Variants in GALNT14 observed in about 807,000 individuals in gnomAD.
GALNT14 encodes polypeptide N-acetylgalactosaminyltransferase 14.
GALNT14 carries 60 observed loss-of-function variants against 77.5 expected under a neutral mutation model. That is an observed-to-expected ratio of 0.77 (90% CI 0.63 to 0.96). GALNT14 has a LOEUF of 0.96. GALNT14 is among the 40% of genes least tolerant of loss of function. GALNT14 has a pLI of 0.00. For synonymous variants in GALNT14, 280 were observed against 281.7 expected, an observed-to-expected ratio of 0.99 and a Z score of 0.06; for missense variants, 710 against 731.0, an observed-to-expected ratio of 0.97 and a Z score of 0.33.
the GALNT14 span, among the ~76,000 whole-genome samples, chr2:30,887,526 A>C: frequency 6.6e-6 from 1 of 152,022 alleles, no homozygotes; most frequent in Non-Finnish European, 1.5e-5. Context: ...TCTTCTTTGG[A>C]GAAATGTCTA....
intron 1 of GALNT14, among the ~76,000 whole-genome samples, chr2:31,078,286 T>C (rs1675934259): frequency 6.6e-6 from 1 of 152,198 alleles, no homozygotes; most frequent in African/African-American, 2.4e-5. Flanking sequence ...ATGATCCTAC[T>C]GGACAACTTT....
intron 11 of GALNT14, among the ~76,000 whole-genome samples, chr2:30,926,858 G>T (rs370853425): frequency 2.0e-5 from 3 of 152,160 alleles, no homozygotes; most frequent in Admixed American, 2.0e-4. Flanking sequence ...TGGGGGCCAG[G>T]AGAAAGGAGG....
At chr2:31,084,373 T>G (rs73921454) in intron 1 of GALNT14, among the ~76,000 whole-genome samples, 1 of 152,190 alleles carries the variant, frequency 6.6e-6, no homozygotes, top group African/African-American at 2.4e-5. Context: ...GAACATGTAC[T>G]GAACTGATGA....
chr2:31,126,468 G>A (rs1678708670), intron 1 of GALNT14, among the ~76,000 whole-genome samples: 1 of 152,124 alleles, frequency 6.6e-6, no homozygotes, highest in South Asian at 2.1e-4. Flanking sequence ...AAGCCTTGGT[G>A]TTCGTCACAT....
intron 3 of GALNT14, 93 bp from the exon 4 acceptor site, chr2:30,958,557 G>T: frequency 1.0e-6 from 1 of 965,702 alleles, no homozygotes; most frequent in Non-Finnish European, 1.6e-6. Context: ...TTGCATTTAA[G>T]GAATGAAAAA....
At chr2:31,081,964 A>G (rs1209773544) in intron 1 of GALNT14, among the ~76,000 whole-genome samples, 1 of 152,192 alleles carries the variant, frequency 6.6e-6, no homozygotes, top group Non-Finnish European at 1.5e-5. Flanking sequence ...TCAGCAGTCT[A>G]TTTATCTTCC....
intron 1 of GALNT14, among the ~76,000 whole-genome samples, chr2:31,130,264 G>C (rs945198380): frequency 2.6e-5 from 4 of 152,222 alleles, no homozygotes; most frequent in African/African-American, 9.6e-5. Flanking sequence ...AGAAAGGCCA[G>C]AGTGGCAACC....
At position 31,043,620 on chromosome 2, in the gene GALNT14, T is replaced by C. The variant is rs147284373; in HGVS notation, c.130-50613A>G. Among the ~76,000 whole-genome samples, 189 of 152,076 alleles carry C rather than the reference T, an allele frequency of 1.2e-3. 1 individual carries two copies. The highest frequency in any genetic ancestry group is 1.9e-3 in the Non-Finnish European group (128 of 67,976). ...CTCCAGACAAGATATTAAAACTCTC[T>C]AGGATCCTCCATATTACAAGGAAGG... On this transcript the variant is annotated intron_variant, in intron 1 of 14. Transcript: ENST00000349752.
chr2:31,048,300 T>C (rs528322976), intron 1 of GALNT14, among the ~76,000 whole-genome samples: 11 of 152,266 alleles, frequency 7.2e-5, no homozygotes, highest in African/African-American at 2.2e-4. Flanking sequence ...AACTGAAGAT[T>C]TGGGGCCCTG....
intron 11 of GALNT14, among the ~76,000 whole-genome samples, chr2:30,927,726 G>C (rs1023879075): frequency 1.3e-5 from 2 of 152,170 alleles, no homozygotes; most frequent in African/African-American, 4.8e-5. Context: ...GCGAAAGAGG[G>C]GGGTGGACTA....
intron 3 of GALNT14, among the ~76,000 whole-genome samples, chr2:30,961,975 G>A (rs1432077508): frequency 2.0e-5 from 3 of 152,092 alleles, no homozygotes; most frequent in African/African-American, 4.8e-5. Flanking sequence ...TTACAGACAT[G>A]AGCCCCTGTG....
At chr2:30,911,815 T>C (rs1664380492) in intron 14 of GALNT14, among the ~76,000 whole-genome samples, 2 of 152,124 alleles carry the variant, frequency 1.3e-5, no homozygotes, top group Admixed American at 1.3e-4. Flanking sequence ...GAACTGGGCA[T>C]GTGGTGCATC....
At chr2:30,979,813 C>T (rs1213356254) in intron 2 of GALNT14, among the ~76,000 whole-genome samples, 3 of 152,090 alleles carry the variant, frequency 2.0e-5, no homozygotes, top group African/African-American at 7.2e-5. Context: ...CTGCCACCCT[C>T]GGCTCAGAGG....
intron 1 of GALNT14, among the ~76,000 whole-genome samples, chr2:31,085,387 T>C (rs1196923843): frequency 6.6e-6 from 1 of 152,168 alleles, no homozygotes; most frequent in Non-Finnish European, 1.5e-5. Context: ...CTTCAGGGCC[T>C]CCAAAAGATG....
chr2:31,079,844 C>T lies in GALNT14; in HGVS notation c.129+58114G>A, dbSNP rs191541373. On this transcript the variant is annotated intron_variant, in intron 1 of 14. Coordinates refer to ENST00000349752, the MANE Select transcript of GALNT14 (RefSeq NM_024572.4). ...TGTGGCTCACGTAGCTCAGCCCCTA[C>T]TGTGGCTACTCCCTCTGGTGGTCAC... Among the ~76,000 whole-genome samples the T allele has an allele frequency of 5.0e-4, 76 of 152,290 alleles. No homozygotes were observed. In the East Asian group the frequency reaches 0.014, roughly 28 times the overall value.
intron 1 of GALNT14, among the ~76,000 whole-genome samples, chr2:31,090,273 C>T (rs762867072): frequency 7.2e-5 from 11 of 152,130 alleles, no homozygotes; most frequent in South Asian, 6.2e-4. Flanking sequence ...CAAGCTCTGA[C>T]GATAACACTA....
intron 1 of GALNT14, among the ~76,000 whole-genome samples, chr2:30,997,063 TA>T (rs768368036): frequency 5.3e-5 from 8 of 152,194 alleles, no homozygotes; most frequent in Non-Finnish European, 1.2e-4. Flanking sequence ...CCAACCCCTA[TA>T]TGTGCAGGGC....
the GALNT14 span, among the ~76,000 whole-genome samples, chr2:30,897,670 A>C: frequency 6.6e-6 from 1 of 152,296 alleles, no homozygotes; most frequent in East Asian, 1.9e-4. Flanking sequence ...CACACTGCGC[A>C]TGGCGTAGCT....
At chr2:31,032,984 G>A (rs1320570390) in intron 1 of GALNT14, among the ~76,000 whole-genome samples, 1 of 152,130 alleles carries the variant, frequency 6.6e-6, no homozygotes, top group Non-Finnish European at 1.5e-5. Context: ...CCTAAGTTTA[G>A]CACCATACTG....
Sources: gnomAD v4.1 joint callset for allele counts (sites outside exome capture counted in the v4.1 genomes callset) on GRCh38, gnomAD v4.1.1 for gene constraint, MANE v1.5 for transcripts, NCBI Gene and HGNC (gene_info 2026-07-23, HGNC 2026-07-21) for gene names.